The following PACS1 variants were observed in gnomAD, a reference collection of about 807,000 sequenced individuals.
PACS1 encodes the protein phosphofurin acidic cluster sorting protein 1.
In PACS1, 24 loss-of-function variants were observed where a neutral mutation model predicts 115.0. The observed-to-expected ratio is 0.21, with a 90% CI of 0.15 to 0.29. The LOEUF (loss-of-function observed/expected upper bound fraction) is 0.29. Among genes scored for constraint, PACS1 ranks in the 10% least tolerant of loss-of-function variants. The probability of loss-of-function intolerance (pLI) is 1.00; values close to 1 mark genes in which losing one functional copy is unlikely to be tolerated. For missense variants in PACS1, 838 were observed against 1,251.2 expected, an observed-to-expected ratio of 0.67 and a Z score of 4.98; for synonymous variants, 453 against 504.5, an observed-to-expected ratio of 0.90 and a Z score of 1.37.
At chr11:66,240,652 C>T (rs1299122732) in intron 21 of PACS1, among the ~76,000 whole-genome samples, 1 of 152,076 alleles carries the variant, frequency 6.6e-6, no homozygotes, top group African/African-American at 2.4e-5. Context: ...CCCTGGGGAC[C>T]TCAGGTTCCT....
chr11:66,198,018 C>A (rs1041388412), intron 2 of PACS1, among the ~76,000 whole-genome samples: 11 of 152,166 alleles, frequency 7.2e-5, no homozygotes, highest in African/African-American at 2.4e-4. Flanking sequence ...AAAACTATGC[C>A]ATCTCCCTCA....
At chr11:66,211,303 G>A (rs1315141444) in intron 4 of PACS1, 44 bp downstream of exon 4, 1 of 1,603,644 alleles carries the variant, frequency 6.2e-7, no homozygotes, top group Non-Finnish European at 8.5e-7. Context: ...TTGAGTCACA[G>A]AGCCCAAGGG....
intron 1 of PACS1, among the ~76,000 whole-genome samples, chr11:66,186,059 G>C (rs986513877): frequency 6.6e-6 from 1 of 152,088 alleles, no homozygotes; most frequent in Admixed American, 6.6e-5. Flanking sequence ...TTGAGCCCAG[G>C]AGTTACAGAC....
intron 2 of PACS1, among the ~76,000 whole-genome samples, chr11:66,209,536 A>G (rs966421982): frequency 2.6e-5 from 4 of 152,190 alleles, no homozygotes; most frequent in African/African-American, 7.2e-5. Context: ...ACCCTACAGC[A>G]TCATATATGT....
chr11:66,152,630 C>T (rs1221630536), intron 1 of PACS1, among the ~76,000 whole-genome samples: 1 of 152,152 alleles, frequency 6.6e-6, no homozygotes, highest in Non-Finnish European at 1.5e-5. Context: ...GATCCTTTTG[C>T]AGCTCATGAG....
intron 1 of PACS1, among the ~76,000 whole-genome samples, chr11:66,132,869 T>C (rs568360311): frequency 5.3e-5 from 8 of 152,334 alleles, no homozygotes; most frequent in Non-Finnish European, 1.2e-4. Flanking sequence ...AGTTTCACCA[T>C]GTTGGCCAGG....
intron 10 of PACS1, among the ~76,000 whole-genome samples, chr11:66,222,406 G>A (rs1035568864): frequency 1.3e-5 from 2 of 152,280 alleles, no homozygotes; most frequent in Middle Eastern, 6.8e-3. Flanking sequence ...CCGGAGCCAC[G>A]ACCTGGGCCT....
intron 7 of PACS1, chr11:66,217,990 C>T: frequency 1.1e-5 from 2 of 180,322 alleles, no homozygotes; most frequent in South Asian, 2.2e-4. Flanking sequence ...ATGTATACTC[C>T]CCCAGAGGTG....
intron 1 of PACS1, among the ~76,000 whole-genome samples, chr11:66,118,931 G>A (rs1336811925): frequency 6.6e-6 from 1 of 152,172 alleles, no homozygotes; most frequent in Non-Finnish European, 1.5e-5. Flanking sequence ...TGACTGGGGA[G>A]ATATAGACAA....
chr11:66,087,936 G>A (rs546895669), intron 1 of PACS1, among the ~76,000 whole-genome samples: 78 of 151,996 alleles, frequency 5.1e-4, no homozygotes, highest in Non-Finnish European at 9.3e-4. Context: ...CAAAGAATTG[G>A]GCTGGAGTAA....
At chr11:66,232,094 C>G in intron 13 of PACS1, 78 bp from the exon 14 acceptor site, 1 of 854,158 alleles carries the variant, frequency 1.2e-6, no homozygotes, top group Non-Finnish European at 2.0e-6. Flanking sequence ...AGAGACTCCC[C>G]ATGCACCAGT....
At chr11:66,239,385 T>C (rs1269902065) in intron 21 of PACS1, 108 bp downstream of exon 21, 11 of 1,332,412 alleles carry the variant, frequency 8.3e-6, no homozygotes, top group Non-Finnish European at 1.1e-5. Flanking sequence ...AAGCCGGGCG[T>C]GGTAGTGCAC....
intron 1 of PACS1, among the ~76,000 whole-genome samples, chr11:66,165,706 AC>A (rs957273279): frequency 2.0e-5 from 3 of 148,126 alleles, no homozygotes; most frequent in African/African-American, 7.5e-5. Context: ...TTTGCCCCAT[AC>A]CCTGTGGGTA....
chr11:66,235,841 C>G lies in PACS1; in HGVS notation c.2208-57C>G, dbSNP rs1855693638. 6.9e-7 allele frequency: 1 copy of G among 1,459,178 alleles called. No homozygotes were observed. The highest frequency in any genetic ancestry group is 9.6e-7 in the Non-Finnish European group (1 of 1,038,810). 90.4% of individuals were successfully genotyped at this position (1,459,178 alleles called of 1,614,324 possible). ...AGTGAGATAGGAAAGGCCAATTCCC[C>G]AGCACTCCTCCCTGTCTCTCCTACT... On this transcript the variant is annotated intron_variant, in intron 18 of 23. Transcript: ENST00000320580. The surrounding 1 kb of genome is among the most constrained non-coding windows in gnomAD (Gnocchi z 5.6).
chr11:66,210,315 C>A, intron 2 of PACS1, 47 bp from the exon 3 acceptor site: 2 of 1,461,704 alleles, frequency 1.4e-6, no homozygotes, highest in Non-Finnish European at 1.9e-6. Flanking sequence ...GGATTACTGG[C>A]ACAAGCCACT....
rs942476269 is a variant in PACS1 at position 66,080,638 on chromosome 11, A to G, written c.356+9796A>G. Among the ~76,000 whole-genome samples, 5 of 152,248 alleles carry G rather than the reference A, an allele frequency of 3.3e-5. No individual in the cohort carries two copies. The East Asian group carries it at 9.6e-4, about 29-fold the overall frequency. ...ACAGTTTAAAAGTGGGCGGGGCTGG[A>G]ATTTGTCTCATGACTCATGATTGCC... On this transcript the variant is annotated intron_variant, in intron 1 of 23. Transcript: ENST00000320580.
chr11:66,169,566 A>AT (rs59176258), intron 1 of PACS1, among the ~76,000 whole-genome samples: 4,247 of 115,252 alleles, frequency 0.037, 466 homozygotes, highest in East Asian at 0.18. Flanking sequence ...CGCCCGGCTA[A>AT]TTTTTTTTTT....
At chr11:66,101,220 G>A (rs1857910625) in intron 1 of PACS1, among the ~76,000 whole-genome samples, 1 of 152,040 alleles carries the variant, frequency 6.6e-6, no homozygotes, top group Non-Finnish European at 1.5e-5. Flanking sequence ...TACATCTACT[G>A]GTATATAGGT....
At chr11:66,088,490 C>T (rs935425473) in intron 1 of PACS1, among the ~76,000 whole-genome samples, 4 of 152,140 alleles carry the variant, frequency 2.6e-5, no homozygotes, top group African/African-American at 9.7e-5. Context: ...AACCCTGTAC[C>T]ATTTATTTAC....
Sources: gnomAD v4.1 joint callset for allele counts (sites outside exome capture counted in the v4.1 genomes callset) on GRCh38, gnomAD v4.1.1 for gene constraint, Gnocchi (gnomAD v3.1) non-coding constraint, MANE v1.5 for transcripts, NCBI Gene and HGNC (gene_info 2026-07-23, HGNC 2026-07-21) for gene names.